Variants in FBXW4 observed in about 807,000 individuals in gnomAD.
The protein encoded by FBXW4 is F-box and WD repeat domain containing 4.
In FBXW4, 40 loss-of-function variants were observed where a neutral mutation model predicts 61.8. The observed-to-expected ratio is 0.65, with a 90% CI of 0.50 to 0.84. FBXW4 has a LOEUF of 0.84. Among genes scored for constraint, FBXW4 ranks in the 40% least tolerant of loss-of-function variants. The pLI is 0.00. For synonymous variants in FBXW4, 311 were observed against 313.8 expected, an observed-to-expected ratio of 0.99 and a Z score of 0.10; for missense variants, 672 against 753.8, an observed-to-expected ratio of 0.89 and a Z score of 1.27.
rs530549334 is a variant in FBXW4 at position 101,664,290 on chromosome 10, G to C, written c.1235+3596C>G. ...AGAGATAAATAAGATTAATATATCTGACAAATTATTTTAAATAGAAGAAAG... is the reference window on the plus strand; with the variant it reads ...AGAGATAAATAAGATTAATATATCTCACAAATTATTTTAAATAGAAGAAAG... On this transcript the variant is annotated intron_variant, in intron 5 of 8. Coordinates refer to ENST00000331272, the MANE Select transcript of FBXW4 (RefSeq NM_022039.4). 1.8e-4 allele frequency among the ~76,000 whole-genome samples: 28 copies of C among 152,278 alleles called. 1 individual carries two copies. The highest frequency in any genetic ancestry group is 5.3e-4 in the African/African-American group (22 of 41,552).
In FBXW4 at chr10:101,694,774, T is replaced by C; in HGVS notation, c.332A>G (p.Glu111Gly). Residue 111 changes from glutamate (E) to glycine (G), a missense_variant, in exon 1 of 9, where the codon GAG (glutamate) becomes GGG (glycine). Glu to Gly is a moderately conservative substitution (Grantham distance 98). This residue lies in a region of FBXW4 where 311 missense variants were observed against 301.1 expected (regional missense o/e 1.03). Coordinates refer to ENST00000331272, the MANE Select transcript of FBXW4 (RefSeq NM_022039.4). The surrounding 1 kb of genome is among the most constrained non-coding windows in gnomAD (Gnocchi z 6.0). ...GVEGSAGAGK[E>G]AQGREYGKKE... Reference sequence around the variant, plus strand: ...CTTCCCATACTCTCTTCCTTGTGCCTCCTTCCCGGCCCCTGCGCTCCCCTC... The same window carrying C: ...CTTCCCATACTCTCTTCCTTGTGCCCCCTTCCCGGCCCCTGCGCTCCCCTC... 1 of 1,348,626 alleles carries C rather than the reference T, an allele frequency of 7.4e-7. No individual in the cohort carries two copies. The highest frequency in any genetic ancestry group is 9.5e-7 in the Non-Finnish European group (1 of 1,057,630). The allele number at this position is 1,348,626 out of a possible 1,614,324, so 83.5% of individuals were successfully genotyped here.
intron 2 of FBXW4, 57 bp downstream of exon 2, chr10:101,676,277 TTTTTTAC>T: frequency 6.9e-7 from 1 of 1,442,796 alleles, no homozygotes; most frequent in Non-Finnish European, 9.6e-7. Flanking sequence ...TAGGACCAGA[TTTTTTAC>T]TTTCCATTAT....
In FBXW4 at chr10:101,665,594, G is replaced by A. The variant is rs759792558; in HGVS notation, c.1235+2292C>T. ...GACTACTAAATGTTAGCTGCTAGTA[G>A]TAGTGGCAGTCATGTAGTAGCAGTA... On this transcript the variant is annotated intron_variant, in intron 5 of 8. Transcript: ENST00000331272. Among the ~76,000 whole-genome samples, 44 of 152,230 alleles carry A rather than the reference G, an allele frequency of 2.9e-4. 1 individual carries two copies. Among genetic ancestry groups the A allele is most frequent in the Non-Finnish European group, 5.3e-4 (36 of 68,042 alleles).
intron 2 of FBXW4, among the ~76,000 whole-genome samples, chr10:101,674,449 C>A (rs1250240005): frequency 6.6e-6 from 1 of 152,134 alleles, no homozygotes; most frequent in Non-Finnish European, 1.5e-5. Flanking sequence ...CCCATACATA[C>A]CTCTTCCGCA....
intron 5 of FBXW4, among the ~76,000 whole-genome samples, chr10:101,662,899 G>A (rs1167078490): frequency 6.6e-6 from 1 of 152,118 alleles, no homozygotes. Context: ...GTGAGCCCAA[G>A]CCTCAATCAT....
chr10:101,627,349 A>T (rs945498810), intron 5 of FBXW4, among the ~76,000 whole-genome samples: 3 of 152,190 alleles, frequency 2.0e-5, no homozygotes, highest in Non-Finnish European at 2.9e-5. Flanking sequence ...TTAAGAGTTT[A>T]ATCAAATTTA....
At chr10:101,635,735 G>T (rs1395977449) in intron 5 of FBXW4, among the ~76,000 whole-genome samples, 2 of 151,928 alleles carry the variant, frequency 1.3e-5, no homozygotes, top group African/African-American at 4.8e-5. Flanking sequence ...ACACAGGAGG[G>T]TGAGGTGGGA....
chr10:101,681,429 A>G (rs1450477952), intron 1 of FBXW4, among the ~76,000 whole-genome samples: 1 of 149,052 alleles, frequency 6.7e-6, no homozygotes, highest in Non-Finnish European at 1.5e-5. Flanking sequence ...TAATACTAAC[A>G]GGTCTAGGCT....
intron 5 of FBXW4, among the ~76,000 whole-genome samples, chr10:101,648,634 G>A (rs1348010717): frequency 6.6e-6 from 1 of 152,108 alleles, no homozygotes; most frequent in Non-Finnish European, 1.5e-5. Flanking sequence ...ATCCAACCAG[G>A]CCCAATTAAG....
intron 1 of FBXW4, among the ~76,000 whole-genome samples, chr10:101,679,678 GT>G (rs1020379292): frequency 6.6e-6 from 1 of 151,992 alleles, no homozygotes; most frequent in Non-Finnish European, 1.5e-5. Flanking sequence ...AACTTTGGGT[GT>G]TTTTATTTTC....
At chr10:101,662,649 G>A (rs2064255081) in intron 5 of FBXW4, among the ~76,000 whole-genome samples, 1 of 152,200 alleles carries the variant, frequency 6.6e-6, no homozygotes, top group African/African-American at 2.4e-5. Flanking sequence ...GTCCTTTGGA[G>A]ACAGGGAAAG....
chr10:101,634,266 T>A (rs1383995358), intron 5 of FBXW4, among the ~76,000 whole-genome samples: 3 of 126,156 alleles, frequency 2.4e-5, no homozygotes, highest in Non-Finnish European at 3.5e-5. Context: ...TATAAAAATA[T>A]AAAACTTTAC....
chr10:101,650,964 A>G (rs2064140686), intron 5 of FBXW4, among the ~76,000 whole-genome samples: 1 of 152,194 alleles, frequency 6.6e-6, no homozygotes, highest in Non-Finnish European at 1.5e-5. Context: ...AAATAACGCC[A>G]CTATGCCGGC....
At chr10:101,645,933 T>C (rs1299913082) in intron 5 of FBXW4, among the ~76,000 whole-genome samples, 1 of 152,170 alleles carries the variant, frequency 6.6e-6, no homozygotes, top group Non-Finnish European at 1.5e-5. Context: ...TTAGTTAGCC[T>C]CTCTTGGGTC....
intron 5 of FBXW4, among the ~76,000 whole-genome samples, chr10:101,630,975 T>C (rs1336898054): frequency 6.6e-6 from 1 of 151,630 alleles, no homozygotes; most frequent in East Asian, 1.9e-4. Flanking sequence ...GAACCTACCA[T>C]CCACAGTGGC....
intron 1 of FBXW4, among the ~76,000 whole-genome samples, chr10:101,685,463 T>G (rs2064524619): frequency 6.6e-6 from 1 of 152,182 alleles, no homozygotes; most frequent in Non-Finnish European, 1.5e-5. Context: ...AATCCACAAT[T>G]TTACAGGGAT....
chr10:101,694,928 G>T lies in FBXW4; in HGVS notation c.178C>A (p.Pro60Thr). 3 of 1,238,072 alleles carry T rather than the reference G, an allele frequency of 2.4e-6. No homozygotes were observed. The highest frequency in any genetic ancestry group is 3.0e-6 in the Non-Finnish European group (3 of 991,530). The allele number at this position is 1,238,072 out of a possible 1,614,324, so 76.7% of individuals were successfully genotyped here. The change falls in exon 1 of 9, where the codon CCC (proline) becomes ACC (threonine). Residue 60 changes from proline to threonine, a missense_variant. This residue lies in a region of FBXW4 where 311 missense variants were observed against 301.1 expected (regional missense o/e 1.03). Coordinates refer to ENST00000331272, the MANE Select transcript of FBXW4 (RefSeq NM_022039.4). The surrounding 1 kb of genome is among the most constrained non-coding windows in gnomAD (Gnocchi z 6.0). Reference sequence around the variant, plus strand: ...GCCTCCTTCGCCGTCTGCGGCCCGGGCTTCCCTTCCGCCCCGCTTCCTCTT... The same window carrying T: ...GCCTCCTTCGCCGTCTGCGGCCCGGTCTTCCCTTCCGCCCCGCTTCCTCTT... ...GGRGSGAEGK[P>T]GPQTAKEAAG...
intron 5 of FBXW4, among the ~76,000 whole-genome samples, chr10:101,665,617 G>C (rs2064290912): frequency 6.6e-6 from 1 of 152,202 alleles, no homozygotes; most frequent in African/African-American, 2.4e-5. Flanking sequence ...TGTAGTAGCA[G>C]TAATAATGCC....
intron 5 of FBXW4, among the ~76,000 whole-genome samples, chr10:101,632,049 T>C (rs186390063): frequency 3.5e-4 from 53 of 152,284 alleles, no homozygotes; most frequent in African/African-American, 1.2e-3. Flanking sequence ...ATGGCCCTGG[T>C]ACACCTTGCC....
Sources: gnomAD v4.1 joint callset for allele counts (sites outside exome capture counted in the v4.1 genomes callset) on GRCh38, gnomAD v4.1.1 for gene constraint, gnomAD v4.1.1 regional missense constraint, Gnocchi (gnomAD v3.1) non-coding constraint, MANE v1.5 for transcripts, NCBI Gene and HGNC (gene_info 2026-07-23, HGNC 2026-07-21) for gene names.